The following CDH8 variants were observed in gnomAD, a reference collection of about 807,000 sequenced individuals.
CDH8 encodes the protein cadherin-8.
In CDH8, 17 loss-of-function variants were observed where a neutral mutation model predicts 68.1. That is an observed-to-expected ratio of 0.25 (90% CI 0.17 to 0.37). CDH8 has a LOEUF of 0.37. Ranked by LOEUF, CDH8 falls within the 10% of genes least tolerant of loss-of-function variation. CDH8 has a pLI of 1.00. For synonymous variants in CDH8, 372 were observed against 365.1 expected (o/e 1.02, Z -0.21); for missense variants, 763 against 999.3 (o/e 0.76, Z 3.19).
chr16:61,832,331 A>AACAG (rs1555513533), intron 4 of CDH8, among the ~76,000 whole-genome samples: 4 of 143,082 alleles, frequency 2.8e-5, no homozygotes, highest in Non-Finnish European at 6.1e-5. Context: ...ACAGATAGAT[A>AACAG]ATAGATAGAT....
At position 61,869,656 on chromosome 16, in the gene CDH8, A is replaced by T. The variant is rs374679422; in HGVS notation, c.548-12418T>A. Among the ~76,000 whole-genome samples, 60 of 152,300 alleles carry T rather than the reference A, an allele frequency of 3.9e-4. 1 individual carries two copies. The South Asian group carries it at 0.011, about 27-fold the overall frequency. On this transcript the variant is annotated intron_variant, in intron 3 of 11. Transcript: ENST00000577390. ...TGTATGCAACATATTTAGCAATATC[A>T]ATAATTTTTAAAATTTCTTTAAATT...
chr16:61,778,066 C>A (rs1960945799), intron 8 of CDH8, among the ~76,000 whole-genome samples: 1 of 152,092 alleles, frequency 6.6e-6, no homozygotes, highest in African/African-American at 2.4e-5. Context: ...AGTCTTACTG[C>A]TGCAACCTGT....
Position 61,707,059 on chromosome 16 carries a change from T to C in CDH8, c.1654+6782A>G, listed in dbSNP as rs1260090908. ...TCCTCCTTTCCCTGTGCTTTACTCA[T>C]GGACAATGTTTGCAGACATGTTCAA... On this transcript the variant is annotated intron_variant, in intron 10 of 11. Transcript: ENST00000577390. Among the ~76,000 whole-genome samples the C allele has an allele frequency of 4.6e-5, 7 of 152,338 alleles. No homozygotes were observed. The East Asian group carries it at 1.2e-3, about 25-fold the overall frequency.
At chr16:61,948,309 A>T (rs977883113) in intron 2 of CDH8, among the ~76,000 whole-genome samples, 2 of 152,214 alleles carry the variant, frequency 1.3e-5, no homozygotes, top group African/African-American at 2.4e-5. Context: ...TTTAAAAAAT[A>T]TATCATGAAG....
chr16:61,869,372 C>T (rs1963315412), intron 3 of CDH8, among the ~76,000 whole-genome samples: 1 of 152,114 alleles, frequency 6.6e-6, no homozygotes, highest in Non-Finnish European at 1.5e-5. Flanking sequence ...ACCCTGAGAC[C>T]TGCTACTAGG....
At chr16:61,665,301 C>T (rs538363747) in intron 10 of CDH8, among the ~76,000 whole-genome samples, 11 of 151,918 alleles carry the variant, frequency 7.2e-5, no homozygotes, top group Non-Finnish European at 1.3e-4. Context: ...ATTAAAAAGT[C>T]TATTTAAAGA....
At chr16:61,852,897 T>TCCTTCCTTCCCTTCTTCCTTC (rs149266274) in intron 4 of CDH8, among the ~76,000 whole-genome samples, 1 of 121,208 alleles carries the variant, frequency 8.3e-6, no homozygotes, top group Admixed American at 8.6e-5. Flanking sequence ...TTCCTTCCAT[T>TCCTTCCTTCCCTTCTTCCTTC]CTTCCTTCCT....
intron 7 of CDH8, among the ~76,000 whole-genome samples, chr16:61,816,673 T>C (rs1962082008): frequency 6.6e-6 from 1 of 152,156 alleles, no homozygotes; most frequent in South Asian, 2.1e-4. Flanking sequence ...TTATAGATTT[T>C]CAGTGTGCTT....
intron 2 of CDH8, among the ~76,000 whole-genome samples, chr16:61,951,770 C>T (rs1964902518): frequency 6.6e-6 from 1 of 152,258 alleles, no homozygotes; most frequent in East Asian, 1.9e-4. Context: ...GCCTCTCTCT[C>T]CTCCTTTTCT....
At chr16:61,681,538 T>A (rs1567418801) in intron 10 of CDH8, among the ~76,000 whole-genome samples, 1 of 150,768 alleles carries the variant, frequency 6.6e-6, no homozygotes, top group Non-Finnish European at 1.5e-5. Flanking sequence ...AGAAAGTGAC[T>A]GAAAATGAGC....
intron 10 of CDH8, chr16:61,710,939 TCTG>T (rs1261931491): frequency 1.3e-5 from 2 of 152,026 alleles, no homozygotes; most frequent in Admixed American, 1.3e-4. Context: ...AACAAAACTC[TCTG>T]CTTATAAATT....
At chr16:61,684,693 G>T (rs1031742181) in intron 10 of CDH8, among the ~76,000 whole-genome samples, 1 of 151,974 alleles carries the variant, frequency 6.6e-6, no homozygotes, top group Non-Finnish European at 1.5e-5. Flanking sequence ...TACTGCAGGA[G>T]GTGCTGACCT....
intron 3 of CDH8, among the ~76,000 whole-genome samples, chr16:61,882,600 C>T (rs543859025): frequency 6.6e-6 from 1 of 152,276 alleles, no homozygotes; most frequent in East Asian, 1.9e-4. Context: ...AGGCCATTAT[C>T]CTTGGCAAAC....
chr16:61,837,744 A>G (rs183403681), intron 4 of CDH8, among the ~76,000 whole-genome samples: 8 of 152,168 alleles, frequency 5.3e-5, no homozygotes, highest in African/African-American at 1.7e-4. Flanking sequence ...GGAGCCATTC[A>G]TTACTAGTGG....
intron 4 of CDH8, among the ~76,000 whole-genome samples, chr16:61,826,900 G>A (rs941587901): frequency 6.6e-6 from 1 of 151,804 alleles, no homozygotes; most frequent in South Asian, 2.1e-4. Context: ...GGAAACATTT[G>A]TAATACTACG....
At chr16:61,846,769 C>T (rs1403208120) in intron 4 of CDH8, among the ~76,000 whole-genome samples, 1 of 152,074 alleles carries the variant, frequency 6.6e-6, no homozygotes, top group Non-Finnish European at 1.5e-5. Context: ...ATGGTAACTA[C>T]CTTCTGCTTA....
intron 10 of CDH8, among the ~76,000 whole-genome samples, chr16:61,672,574 T>G (rs1473790676): frequency 6.6e-6 from 1 of 152,040 alleles, no homozygotes; most frequent in Non-Finnish European, 1.5e-5. Flanking sequence ...TCAATAAAAC[T>G]TAAACTAATA....
rs1963346895 is a variant in CDH8 at position 61,652,650 on chromosome 16, C to G, written c.*958G>C. ...TCATTGTATATATATTTATATAAAACAATCTAAAGGATTATTAATGGATAT... is the reference window on the plus strand; with the variant it reads ...TCATTGTATATATATTTATATAAAAGAATCTAAAGGATTATTAATGGATAT... On this transcript the variant is annotated 3_prime_UTR_variant, in exon 12 of 12. Transcript: ENST00000577390. 1 of 1,112,748 alleles carries G rather than the reference C, an allele frequency of 9.0e-7. No individual in the cohort carries two copies. The highest frequency in any genetic ancestry group is 1.1e-6 in the Non-Finnish European group (1 of 880,582). 68.9% of individuals were successfully genotyped at this position (1,112,748 alleles called of 1,614,324 possible).
rs866708521 is a variant in CDH8 at position 61,702,746 on chromosome 16, C to G, written c.1654+11095G>C. ...ATAAAATAAGAACAGTCTTACTGAG[C>G]AAATGTTCTGGGAATAAACTGCAAG... On this transcript the variant is annotated intron_variant, in intron 10 of 11. Coordinates refer to ENST00000577390, the MANE Select transcript of CDH8 (RefSeq NM_001796.5). Among the ~76,000 whole-genome samples the G allele has an allele frequency of 6.6e-5, 10 of 152,188 alleles. 1 individual carries two copies. The highest frequency in any genetic ancestry group is 2.4e-4 in the African/African-American group (10 of 41,444).
Sources: gnomAD v4.1 joint callset for allele counts (sites outside exome capture counted in the v4.1 genomes callset) on GRCh38, gnomAD v4.1.1 for gene constraint, MANE v1.5 for transcripts, NCBI Gene and HGNC (gene_info 2026-07-23, HGNC 2026-07-21) for gene names.